TMEM190: variants seen among roughly 807,000 people sequenced by gnomAD.
TMEM190 encodes the protein transmembrane protein 190.
Under a neutral mutation model 17.1 loss-of-function variants are expected in TMEM190, and 17 were observed. The ratio of observed to expected loss-of-function variants is 0.99; its 90% CI spans 0.68 to 1.49. TMEM190 has a LOEUF of 1.49. Among genes scored for constraint, TMEM190 ranks in the 40% most tolerant of loss-of-function variants. TMEM190 has a pLI of 0.00. For synonymous variants in TMEM190, 101 were observed against 103.8 expected, an observed-to-expected ratio of 0.97 and a Z score of 0.16; for missense variants, 246 against 245.0, an observed-to-expected ratio of 1.00 and a Z score of -0.03.
At position 55,377,732 on chromosome 19, in the gene TMEM190, GC is replaced by G; in HGVS notation, c.220+18del. The G allele has an allele frequency of 6.2e-7, 1 of 1,610,876 alleles. No individual in the cohort carries two copies. The highest frequency in any genetic ancestry group is 8.5e-7 in the Non-Finnish European group (1 of 1,178,268). On this transcript the variant is annotated intron_variant, in intron 3 of 4. Transcript: ENST00000291934. ...AGCGTCCAGACGGTGAGGGCTCCTG[GC>G]CCCAGGTCCCTGGGGCGTGGGTCTG...
At chr19:55,377,395 G>T (rs1419061229) in intron 2 of TMEM190, among the ~76,000 whole-genome samples, 198 bp from the exon 3 acceptor site, 3 of 118,242 alleles carry the variant, frequency 2.5e-5, no homozygotes, top group Non-Finnish European at 5.4e-5. Context: ...GCTGGGCCTG[G>T]ACTCCTGGGT....
rs548963377 is a variant in TMEM190, at chr19:55,376,930, G to C, written c.58+19G>C. The C allele has an allele frequency of 6.4e-6, 10 of 1,562,022 alleles. No homozygotes were observed. In the East Asian group the frequency reaches 1.6e-4, roughly 26 times the overall value. ...TCGGCAGGTGAGGGGCTGGTGAGGC[G>C]GGGGAGCTGAGGAGGGACGCCCGGC... On this transcript the variant is annotated intron_variant, in intron 1 of 4. Coordinates refer to ENST00000291934, the MANE Select transcript of TMEM190 (RefSeq NM_139172.3).
Position 55,378,051 on chromosome 19 carries a change from C to T in TMEM190, c.382C>T (p.Leu128=), listed in dbSNP as rs1337136066. The change falls in exon 5 of 5, where the codon CTG becomes TTG. Residue 128 remains leucine (L), a synonymous_variant. Coordinates refer to ENST00000291934, the MANE Select transcript of TMEM190 (RefSeq NM_139172.3). The part of the protein sequence containing the change: ...GPCDMSKSVS[L]LSKHRGTKKT... ...GTGTGACATGTCCAAGTCCGTCTCG[C>T]TGCTCTCCAAGCACCGAGGGACCAA... The T allele has an allele frequency of 1.2e-6, 2 of 1,612,606 alleles. No individual in the cohort carries two copies. The highest frequency in any genetic ancestry group is 2.7e-5 in the African/African-American group (2 of 74,848).
intron 2 of TMEM190, among the ~76,000 whole-genome samples, chr19:55,377,279 G>A (rs1000407479): frequency 2.0e-5 from 3 of 147,564 alleles, no homozygotes; most frequent in African/African-American, 7.7e-5. Context: ...AGGGAGGAGG[G>A]GCTGGGGCCT....
intron 4 of TMEM190, 42 bp downstream of exon 4, chr19:55,377,928 G>T: frequency 6.2e-7 from 1 of 1,606,456 alleles, no homozygotes. Flanking sequence ...CACCCCCAGG[G>T]GGAGGGTCCG....
intron 2 of TMEM190, 80 bp from the exon 3 acceptor site, chr19:55,377,513 G>C (rs1271572358): frequency 6.5e-7 from 1 of 1,542,920 alleles, no homozygotes; most frequent in Non-Finnish European, 8.7e-7. Flanking sequence ...CAGCCTGGGA[G>C]CATGGCCTTG....
intron 2 of TMEM190, 51 bp from the exon 3 acceptor site, chr19:55,377,542 C>A: frequency 6.4e-7 from 1 of 1,566,472 alleles, no homozygotes; most frequent in Non-Finnish European, 8.7e-7. Context: ...TGTATGAGGC[C>A]TTCGGAGCGG....
rs2089855849 is a variant in TMEM190, at chr19:55,376,971, C to A, written c.59-20C>A. The A allele has an allele frequency of 3.9e-6, 6 of 1,552,186 alleles. No individual in the cohort carries two copies. The South Asian group carries it at 5.9e-5, about 15-fold the overall frequency. On this transcript the variant is annotated intron_variant, in intron 1 of 4. Transcript: ENST00000291934. The stretch of plus-strand genomic sequence containing the variant: ...GACGCCCGGCTCCACACAGCCCTAA[C>A]ACTGCCCTTTCTCTCGCAGACGGAA...
chr19:55,378,083 G>A lies in TMEM190; in HGVS notation c.414G>A (p.Thr138=), dbSNP rs77912983. ...CCAAGCACCGAGGGACCAAGAAGAC[G>A]CCGTCCACGGGCAGCGTGCCAGTCG... ...LLSKHRGTKK[T]PSTGSVPVAL... is the part of the protein sequence containing the mutation. The change falls in exon 5 of 5, where the codon ACG becomes ACA. Residue 138 remains threonine (T), a synonymous_variant. Coordinates refer to ENST00000291934, the MANE Select transcript of TMEM190 (RefSeq NM_139172.3). 0.061 allele frequency: 98,929 copies of A among 1,610,878 alleles called. 3,433 individuals carry two copies. The highest frequency in any genetic ancestry group is 0.13 in the Middle Eastern group (773 of 6,050).
intron 2 of TMEM190, 58 bp downstream of exon 2, chr19:55,377,084 G>A (rs2089856553): frequency 1.3e-6 from 2 of 1,532,100 alleles, no homozygotes; most frequent in African/African-American, 1.4e-5. Context: ...TCAGACCCCT[G>A]AATCTGAGGG....
At chr19:55,378,239 TGGAC>T (rs2089868636) in exon 5 of TMEM190, 3 of 1,421,366 alleles carry the variant, frequency 2.1e-6, no homozygotes, top group Non-Finnish European at 2.8e-6. Flanking sequence ...ACAGATACGG[TGGAC>T]GGACGTGTGT....
chr19:55,377,553 A>G (rs2123257132), intron 2 of TMEM190, 40 bp from the exon 3 acceptor site: 1 of 1,577,640 alleles, frequency 6.3e-7, no homozygotes, highest in Non-Finnish European at 8.6e-7. Flanking sequence ...TTCGGAGCGG[A>G]GCGCTGTGAT....
At position 55,376,832 on chromosome 19, in the gene TMEM190, C is replaced by T; in HGVS notation, c.-22C>T. The T allele has an allele frequency of 6.5e-7, 1 of 1,534,100 alleles. No homozygotes were observed. The highest frequency in any genetic ancestry group is 8.8e-7 in the Non-Finnish European group (1 of 1,138,888). On this transcript the variant is annotated 5_prime_UTR_variant, in exon 1 of 5. Transcript: ENST00000291934. ...CTGTAAGGCCTCTTCCCACAGTGGCCCCAGGGGTCTGGGGAGGTGACATGT... is the reference window on the plus strand; with the variant it reads ...CTGTAAGGCCTCTTCCCACAGTGGCTCCAGGGGTCTGGGGAGGTGACATGT...
chr19:55,377,431 C>T (rs1190061082), intron 2 of TMEM190, 162 bp from the exon 3 acceptor site: 1 of 1,040,174 alleles, frequency 9.6e-7, no homozygotes, highest in East Asian at 2.4e-5. Context: ...GGGGCCTGGA[C>T]TCCTGGGTCT....
At position 55,378,211 on chromosome 19, in the gene TMEM190, C is replaced by T. The variant is rs540820299; in HGVS notation, c.*8C>T. 2.4e-5 allele frequency: 36 copies of T among 1,529,552 alleles called. No individual in the cohort carries two copies. The South Asian group carries it at 4.1e-4, about 17-fold the overall frequency. The allele number at this position is 1,529,552 out of a possible 1,614,324, so 94.7% of individuals were successfully genotyped here. Reference sequence around the variant, plus strand: ...GAGGAAGAGGAGGATTAGGGGAGTCCCCGGGGGACTGCTCAATACAGATAC... The same window carrying T: ...GAGGAAGAGGAGGATTAGGGGAGTCTCCGGGGGACTGCTCAATACAGATAC... On this transcript the variant is annotated 3_prime_UTR_variant, in exon 5 of 5. Transcript: ENST00000291934.
In TMEM190 at chr19:55,377,994, G is replaced by C. The variant is rs760037627; in HGVS notation, c.325G>C (p.Val109Leu). 22 of 1,612,168 alleles carry C rather than the reference G, an allele frequency of 1.4e-5. 1 individual carries two copies. The Admixed American group carries it at 3.7e-4, about 27-fold the overall frequency. ...CTGCAGGTGGGCCAAGCGCCGGGAC[G>C]TGCTGCATATGCCCGGTTTCCTGGC... The part of the protein sequence containing the change: ...CLFWWAKRRD[V>L]LHMPGFLAGP... Residue 109 changes from valine to leucine, a missense_variant, in exon 5 of 5, where the codon GTG becomes CTG. Transcript: ENST00000291934.
Position 55,377,656 on chromosome 19 carries a change from AC to A in TMEM190, c.160del (p.Leu54SerfsTer41). The A allele has an allele frequency of 6.2e-7, 1 of 1,613,346 alleles. No homozygotes were observed. Among genetic ancestry groups the A allele is most frequent in the Non-Finnish European group, 8.5e-7 (1 of 1,179,670 alleles). The stretch of plus-strand genomic sequence containing the variant: ...GGCCAGGCGGCCATCGATAGCCCCA[AC>A]CTCTGCCTGCGTCTCCGGTGCTGCT... ...CGGQAAIDSP[N>X]LCLRLRCCYR... On this transcript the variant is annotated frameshift_variant, in exon 3 of 5. Coordinates refer to ENST00000291934, the MANE Select transcript of TMEM190 (RefSeq NM_139172.3). LOFTEE classifies it high-confidence loss of function.
In TMEM190 at chr19:55,378,040, A is replaced by G; in HGVS notation, c.371A>G (p.Lys124Arg). The change falls in exon 5 of 5, where the codon AAG becomes AGG. Residue 124 changes from lysine (K) to arginine (R), a missense_variant. Coordinates refer to ENST00000291934, the MANE Select transcript of TMEM190 (RefSeq NM_139172.3). ...GFLAGPCDMS[K>R]SVSLLSKHRG... ...CTGGCGGGTCCGTGTGACATGTCCA[A>G]GTCCGTCTCGCTGCTCTCCAAGCAC... is the stretch of plus-strand genomic sequence containing the variant. The G allele has an allele frequency of 6.2e-7, 1 of 1,612,792 alleles. No homozygotes were observed. Among genetic ancestry groups the G allele is most frequent in the Non-Finnish European group, 8.5e-7 (1 of 1,179,802 alleles).
chr19:55,378,108 G>C lies in TMEM190; in HGVS notation c.439G>C (p.Ala147Pro), dbSNP rs1350753864. ...KTPSTGSVPVALSKESRDVEG... is the reference protein window; with the variant it reads ...KTPSTGSVPVPLSKESRDVEG... The stretch of plus-strand genomic sequence containing the variant: ...GCCGTCCACGGGCAGCGTGCCAGTC[G>C]CCCTGTCCAAAGAGTCCAGGGATGT... The change falls in exon 5 of 5, where the codon GCC becomes CCC. Residue 147 changes from alanine (A) to proline (P), a missense_variant. Physicochemically the swap from Ala to Pro is conservative, Grantham distance 27. Transcript: ENST00000291934. 6 of 1,606,650 alleles carry C rather than the reference G, an allele frequency of 3.7e-6. No homozygotes were observed. The Middle Eastern group carries it at 8.3e-4, about 222-fold the overall frequency.
Sources: allele counts gnomAD v4.1 joint callset (sites outside exome capture counted in the v4.1 genomes callset), GRCh38; gene constraint gnomAD v4.1.1; transcripts MANE v1.5; gene names NCBI Gene and HGNC (gene_info 2026-07-23, HGNC 2026-07-21).